TCP11L2: variants seen among roughly 807,000 people sequenced by gnomAD.
The protein encoded by TCP11L2 is t-complex 11 like 2, also known as T-complex protein 11-like protein 2.
A neutral mutation model predicts 50.7 loss-of-function variants in TCP11L2; 39 were observed. The observed-to-expected ratio is 0.77, with a 90% CI of 0.60 to 1.01. TCP11L2 has a LOEUF of 1.01. TCP11L2 is among the 50% of genes least tolerant of loss of function. TCP11L2 has a pLI of 0.00. For missense variants in TCP11L2, 612 were observed against 614.7 expected (o/e 1.00, Z 0.05); for synonymous variants, 192 against 219.3 (o/e 0.88, Z 1.10).
chr12:106,311,706 C>T (rs1301184369), intron 2 of TCP11L2, among the ~76,000 whole-genome samples: 1 of 152,062 alleles, frequency 6.6e-6, no homozygotes, highest in East Asian at 1.9e-4. Flanking sequence ...GGAAGGTACC[C>T]ACAAGGAGAA....
At chr12:106,308,376 A>G (rs965271923) in intron 1 of TCP11L2, among the ~76,000 whole-genome samples, 2 of 152,192 alleles carry the variant, frequency 1.3e-5, no homozygotes, top group African/African-American at 4.8e-5. Context: ...CTGACTCCCA[A>G]TTATTTTAAT....
At chr12:106,314,315 A>G (rs759836859) in intron 2 of TCP11L2, 43 bp from the exon 3 acceptor site, 51 of 1,586,416 alleles carry the variant, frequency 3.2e-5, no homozygotes, top group Middle Eastern at 1.7e-4. Flanking sequence ...TTGGATGACA[A>G]CTTTTCTTCT....
chr12:106,313,784 T>TTTTA (rs2034956106), intron 2 of TCP11L2, among the ~76,000 whole-genome samples: 2 of 122,212 alleles, frequency 1.6e-5, no homozygotes, highest in African/African-American at 3.3e-5. Context: ...TTTTTTTTTT[T>TTTTA]GAGACGAGTC....
At chr12:106,299,703 G>A (rs116496927), upstream of TCP11L2, among the ~76,000 whole-genome samples, 2 of 152,098 alleles carry the variant, frequency 1.3e-5, no homozygotes, top group African/African-American at 4.8e-5. Context: ...AGAAATAGGG[G>A]ACAAGATCAC....
intron 6 of TCP11L2, among the ~76,000 whole-genome samples, chr12:106,335,063 C>G (rs922403567): frequency 6.6e-6 from 1 of 152,084 alleles, no homozygotes; most frequent in Non-Finnish European, 1.5e-5. Context: ...GACATGTGCA[C>G]GTGATTGTGC....
intron 6 of TCP11L2, chr12:106,325,921 A>T (rs2035528182): frequency 6.7e-6 from 1 of 149,852 alleles, no homozygotes; most frequent in Non-Finnish European, 1.5e-5. Flanking sequence ...AAACCCACAC[A>T]CACCAGACTG....
intron 9 of TCP11L2, among the ~76,000 whole-genome samples, chr12:106,342,261 A>G (rs551998858): frequency 5.9e-5 from 9 of 152,308 alleles, no homozygotes; most frequent in African/African-American, 2.2e-4. Context: ...GGGGACATGG[A>G]ATGCTGGGGA....
chr12:106,328,647 C>A (rs1049552264), intron 6 of TCP11L2, among the ~76,000 whole-genome samples: 1 of 152,196 alleles, frequency 6.6e-6, no homozygotes, highest in Non-Finnish European at 1.5e-5. Flanking sequence ...TTTCAGCCTT[C>A]TTTGAATTTT....
chr12:106,325,152 A>G (rs971395813), intron 6 of TCP11L2: 9 of 152,228 alleles, frequency 5.9e-5, no homozygotes, highest in Non-Finnish European at 1.2e-4. Context: ...ATGGGTGCGG[A>G]AACTGAGGCA....
chr12:106,321,462 T>C, intron 4 of TCP11L2, 24 bp from the exon 5 acceptor site: 1 of 1,577,290 alleles, frequency 6.3e-7, no homozygotes, highest in East Asian at 2.3e-5. Flanking sequence ...ATGATGCTGT[T>C]AATTTTTATT....
At chr12:106,340,071 C>G (rs76312151) in intron 8 of TCP11L2, among the ~76,000 whole-genome samples, 3,316 of 152,320 alleles carry the variant, frequency 0.022, 136 homozygotes, top group African/African-American at 0.075. Flanking sequence ...TATACTGCTT[C>G]CTATCATTGA....
At chr12:106,333,655 A>G (rs1363843825) in intron 6 of TCP11L2, among the ~76,000 whole-genome samples, 1 of 152,184 alleles carries the variant, frequency 6.6e-6, no homozygotes, top group Non-Finnish European at 1.5e-5. Context: ...AAACATATTT[A>G]TATATGTGAA....
intron 3 of TCP11L2, among the ~76,000 whole-genome samples, chr12:106,315,812 A>G (rs948990890): frequency 6.6e-6 from 1 of 152,176 alleles, no homozygotes; most frequent in Admixed American, 6.5e-5. Context: ...GAGGCTTGAG[A>G]CTATTATTAC....
chr12:106,343,815 C>T (rs1381251942), intron 9 of TCP11L2, among the ~76,000 whole-genome samples: 1 of 151,656 alleles, frequency 6.6e-6, no homozygotes, highest in Non-Finnish European at 1.5e-5. Context: ...GACCACCAAG[C>T]CCAGCTATTT....
rs753840990 is a variant in TCP11L2, at chr12:106,318,353, T to G, written c.303T>G (p.Gly101=). The change falls in exon 4 of 10, where the codon GGT becomes GGG. Residue 101 remains glycine, a synonymous_variant. Transcript: ENST00000299045. ...QEALPEKSLA[G]RVKHIVHQAF... ...CATTTTATTGCCATAGTTTGGCTGG[T>G]CGAGTGAAGCACATTGTTCACCAGG... 5 of 1,613,520 alleles carry G rather than the reference T, an allele frequency of 3.1e-6. No individual in the cohort carries two copies. Among genetic ancestry groups the G allele is most frequent in the Non-Finnish European group, 4.2e-6 (5 of 1,179,686 alleles).
At chr12:106,328,833 A>C (rs1248023702) in intron 6 of TCP11L2, among the ~76,000 whole-genome samples, 2 of 152,192 alleles carry the variant, frequency 1.3e-5, no homozygotes, top group Non-Finnish European at 2.9e-5. Context: ...ACCAAGGGAT[A>C]GCAAGGCTCC....
At chr12:106,337,631 G>A (rs1245164349) in intron 8 of TCP11L2, among the ~76,000 whole-genome samples, 1 of 152,152 alleles carries the variant, frequency 6.6e-6, no homozygotes, top group Non-Finnish European at 1.5e-5. Context: ...CGGGTCAGAT[G>A]GACCAGGGTT....
At chr12:106,304,834 G>A (rs778454699) in intron 1 of TCP11L2, among the ~76,000 whole-genome samples, 19 of 152,140 alleles carry the variant, frequency 1.2e-4, no homozygotes, top group Non-Finnish European at 2.5e-4. Context: ...GGGATTTTGC[G>A]GTGCATAAAG....
chr12:106,310,928 GC>G (rs1282510435), intron 1 of TCP11L2, 112 bp from the exon 2 acceptor site: 2 of 905,698 alleles, frequency 2.2e-6, no homozygotes, highest in Non-Finnish European at 3.3e-6. Context: ...TCATCTGGGG[GC>G]CTTTCCAACA....
Sources: gnomAD v4.1 joint callset for allele counts (sites outside exome capture counted in the v4.1 genomes callset) on GRCh38, gnomAD v4.1.1 for gene constraint, MANE v1.5 for transcripts, NCBI Gene and HGNC (gene_info 2026-07-23, HGNC 2026-07-21) for gene names.